Variants in FRMD4A observed in about 807,000 individuals in gnomAD.
FRMD4A encodes the protein FERM domain-containing protein 4A.
Under a neutral mutation model 129.1 loss-of-function variants are expected in FRMD4A, and 29 were observed. The observed-to-expected ratio is 0.22, with a 90% CI of 0.17 to 0.31. FRMD4A has a LOEUF of 0.31. Ranked by LOEUF, FRMD4A falls within the 10% of genes least tolerant of loss-of-function variation. The pLI, the probability that FRMD4A is intolerant of heterozygous loss-of-function variation, is 1.00. For synonymous variants in FRMD4A, 634 were observed against 571.6 expected (o/e 1.11, Z -1.56); for missense variants, 1,272 against 1,375.8 (o/e 0.92, Z 1.19).
At chr10:13,660,251 G>T in intron 20 of FRMD4A, 65 bp downstream of exon 20, 1 of 1,013,208 alleles carries the variant, frequency 9.9e-7, no homozygotes, top group East Asian at 2.4e-5. Context: ...TACTTGGGAC[G>T]GCCCTTTGAT....
At chr10:14,076,425 G>C (rs1402867012) in intron 2 of FRMD4A, among the ~76,000 whole-genome samples, 1 of 152,144 alleles carries the variant, frequency 6.6e-6, no homozygotes, top group African/African-American at 2.4e-5. Flanking sequence ...TGGATCATGA[G>C]GTCAGGAGAT....
At chr10:13,829,939 T>G (rs549425152) in intron 3 of FRMD4A, among the ~76,000 whole-genome samples, 2 of 152,320 alleles carry the variant, frequency 1.3e-5, no homozygotes, top group African/African-American at 4.8e-5. Flanking sequence ...GGAAATGATT[T>G]GCATGCAGTG....
intron 2 of FRMD4A, among the ~76,000 whole-genome samples, chr10:14,179,663 C>T (rs1306303704): frequency 6.6e-6 from 1 of 152,222 alleles, no homozygotes; most frequent in Non-Finnish European, 1.5e-5. Flanking sequence ...AAACATTCTA[C>T]AAGTTCTTGC....
intron 21 of FRMD4A, among the ~76,000 whole-genome samples, chr10:13,658,881 CAAAAAA>C (rs60536121): frequency 2.7e-5 from 2 of 75,194 alleles, no homozygotes; most frequent in Non-Finnish European, 6.5e-5. Context: ...GACTCCATCT[CAAAAAA>C]AAAAAAAAAA....
At chr10:13,707,278 A>G in intron 12 of FRMD4A, 165 bp from the exon 13 acceptor site, 1 of 821,464 alleles carries the variant, frequency 1.2e-6, no homozygotes, top group South Asian at 2.5e-5. Flanking sequence ...ACACATACAC[A>G]CACACACGCA....
In FRMD4A at chr10:13,830,173, G is replaced by A. The variant is rs527433946; in HGVS notation, c.112-19265C>T. Among the ~76,000 whole-genome samples the A allele has an allele frequency of 8.5e-5, 13 of 152,270 alleles. 1 individual carries two copies. In the South Asian group the frequency reaches 2.7e-3, roughly 32 times the overall value. Reference sequence around the variant, plus strand: ...AATCATCTAAGGCCATGACCTCACTGCCACAAGTGTCACTGACTGCCAGGC... The same window carrying A: ...AATCATCTAAGGCCATGACCTCACTACCACAAGTGTCACTGACTGCCAGGC... On this transcript the variant is annotated intron_variant, in intron 3 of 24. Coordinates refer to ENST00000357447, the MANE Select transcript of FRMD4A (RefSeq NM_018027.5).
chr10:13,868,176 C>CA (rs1313291765), intron 2 of FRMD4A, among the ~76,000 whole-genome samples: 2 of 151,316 alleles, frequency 1.3e-5, no homozygotes, highest in East Asian at 1.9e-4. Context: ...GGGATCTACC[C>CA]AAAACCTTTA....
chr10:14,267,934 A>T (rs1401689736), intron 2 of FRMD4A, among the ~76,000 whole-genome samples: 1 of 152,226 alleles, frequency 6.6e-6, no homozygotes, highest in Non-Finnish European at 1.5e-5. Context: ...TAACATTAAA[A>T]CATCAGTATC....
At chr10:14,068,686 CCACA>C (rs1835174696) in intron 2 of FRMD4A, among the ~76,000 whole-genome samples, 1 of 152,110 alleles carries the variant, frequency 6.6e-6, no homozygotes, top group Non-Finnish European at 1.5e-5. Context: ...TTCAAAGTTC[CCACA>C]CATATGTCAT....
chr10:13,877,698 T>C (rs1284750530), intron 2 of FRMD4A, among the ~76,000 whole-genome samples: 1 of 152,252 alleles, frequency 6.6e-6, no homozygotes, highest in Admixed American at 6.5e-5. Context: ...AGGGTTCTGC[T>C]GGAATGTCGC....
chr10:14,137,155 G>A (rs1839581679), intron 2 of FRMD4A, among the ~76,000 whole-genome samples: 1 of 152,230 alleles, frequency 6.6e-6, no homozygotes, highest in African/African-American at 2.4e-5. Context: ...GCCTCCACAG[G>A]AGTCTCCTCA....
At chr10:14,116,832 G>A (rs41529144) in intron 2 of FRMD4A, among the ~76,000 whole-genome samples, 14 of 152,280 alleles carry the variant, frequency 9.2e-5, no homozygotes, top group African/African-American at 3.4e-4. Flanking sequence ...GCCTAGCAAA[G>A]CTACACCATC....
chr10:13,947,487 T>TTGGA (rs954755822), intron 2 of FRMD4A, among the ~76,000 whole-genome samples: 3 of 152,070 alleles, frequency 2.0e-5, no homozygotes, highest in Non-Finnish European at 4.4e-5. Context: ...TGGGAAGGTC[T>TTGGA]TGGATGACCA....
intron 2 of FRMD4A, among the ~76,000 whole-genome samples, chr10:14,327,484 C>T (rs1843323623): frequency 6.6e-6 from 1 of 152,192 alleles, no homozygotes; most frequent in Non-Finnish European, 1.5e-5. Flanking sequence ...AATGGCATCA[C>T]CAAGGCAGAG....
At position 14,049,249 on chromosome 10, in the gene FRMD4A, C is replaced by T. The variant is rs117726539; in HGVS notation, c.46-190337G>A. Reference sequence around the variant, plus strand: ...ATGGTAATAAACAGAGCAATTAAACCGATTATAATTACATATGCACAGTGG... The same window carrying T: ...ATGGTAATAAACAGAGCAATTAAACTGATTATAATTACATATGCACAGTGG... On this transcript the variant is annotated intron_variant, in intron 2 of 24. Coordinates refer to ENST00000357447, the MANE Select transcript of FRMD4A (RefSeq NM_018027.5). Among the ~76,000 whole-genome samples the T allele has an allele frequency of 5.1e-4, 78 of 152,178 alleles. 1 individual carries two copies. The East Asian group carries it at 9.7e-3, about 19-fold the overall frequency.
At chr10:13,873,672 G>A (rs890421006) in intron 2 of FRMD4A, among the ~76,000 whole-genome samples, 10 of 151,988 alleles carry the variant, frequency 6.6e-5, no homozygotes, top group Non-Finnish European at 8.8e-5. Context: ...TCAGCCTCCC[G>A]AGCAGCTGAG....
At chr10:14,109,233 A>T (rs1188140531) in intron 2 of FRMD4A, among the ~76,000 whole-genome samples, 2 of 151,586 alleles carry the variant, frequency 1.3e-5, no homozygotes, top group Admixed American at 1.3e-4. Context: ...AAAAGCCTCC[A>T]AAGAAGCTTC....
chr10:13,820,757 C>T (rs2093618154), intron 3 of FRMD4A, among the ~76,000 whole-genome samples: 1 of 152,186 alleles, frequency 6.6e-6, no homozygotes, highest in Admixed American at 6.5e-5. Flanking sequence ...GATGGCACAG[C>T]CACAGCCGCC....
chr10:14,163,559 T>G (rs1038367047), intron 2 of FRMD4A, among the ~76,000 whole-genome samples: 11 of 152,178 alleles, frequency 7.2e-5, no homozygotes, highest in Admixed American at 2.6e-4. Context: ...AACTTTCCCT[T>G]TTGTTTGCAC....
Sources: allele counts gnomAD v4.1 joint callset (sites outside exome capture counted in the v4.1 genomes callset), GRCh38; gene constraint gnomAD v4.1.1; transcripts MANE v1.5; gene names NCBI Gene and HGNC (gene_info 2026-07-23, HGNC 2026-07-21).